The following USP14 variants were observed in gnomAD, a reference collection of about 807,000 sequenced individuals.
The protein encoded by USP14 is ubiquitin specific peptidase 14.
Under a neutral mutation model 76.5 loss-of-function variants are expected in USP14, and 38 were observed. That is an observed-to-expected ratio of 0.50 (90% CI 0.38 to 0.65). The LOEUF is 0.65. Ranked by LOEUF, USP14 falls within the 30% of genes least tolerant of loss-of-function variation. The probability of loss-of-function intolerance (pLI) is 0.00; values close to 1 mark genes in which losing one functional copy is unlikely to be tolerated. For missense variants in USP14, 467 were observed against 586.5 expected (o/e 0.80, Z 2.10); for synonymous variants, 192 against 191.7 (o/e 1.00, Z -0.01).
At chr18:185,477 T>C (rs1041422238) in intron 5 of USP14, among the ~76,000 whole-genome samples, 1 of 151,966 alleles carries the variant, frequency 6.6e-6, no homozygotes, top group African/African-American at 2.4e-5. Context: ...CTGTTAACAC[T>C]AGCGTCTCAT....
rs1910666923 is a variant in USP14 at position 211,425 on chromosome 18, A to T, written c.*141A>T. On this transcript the variant is annotated 3_prime_UTR_variant, in exon 16 of 16. Transcript: ENST00000261601. Reference sequence around the variant, plus strand: ...GAACAAAAGAGGACAGAAGCAGACCACTCTGTGCACCAACCTAAAAAATTA... The same window carrying T: ...GAACAAAAGAGGACAGAAGCAGACCTCTCTGTGCACCAACCTAAAAAATTA... 1.3e-6 allele frequency: 1 copy of T among 794,940 alleles called. No individual in the cohort carries two copies. Among genetic ancestry groups the T allele is most frequent in the Non-Finnish European group, 1.9e-6 (1 of 534,162 alleles). The allele number at this position is 794,940 out of a possible 1,614,324, so 49.2% of individuals were successfully genotyped here. A position where few individuals can be genotyped will look rare whatever the true frequency, so the allele number is the denominator to read the frequency against.
chr18:181,004 G>A lies in USP14; in HGVS notation c.404+665G>A, dbSNP rs1024914622. On this transcript the variant is annotated intron_variant, in intron 5 of 15. Transcript: ENST00000261601. Reference sequence around the variant, plus strand: ...ATGGTTCATTCATGTTACAGCACACGTAACACCTCATTCCTATTTTATGGC... The same window carrying A: ...ATGGTTCATTCATGTTACAGCACACATAACACCTCATTCCTATTTTATGGC... Among the ~76,000 whole-genome samples, 8 of 150,222 alleles carry A rather than the reference G, an allele frequency of 5.3e-5. No homozygotes were observed. In the East Asian group the frequency reaches 5.9e-4, roughly 11 times the overall value.
chr18:162,802 C>CT (rs562971458), intron 1 of USP14, among the ~76,000 whole-genome samples: 22,027 of 144,864 alleles, frequency 0.15, 1,830 homozygotes, highest in Middle Eastern at 0.22. Context: ...GTCTCAGTTT[C>CT]TTTTTTTTTT....
intron 2 of USP14, among the ~76,000 whole-genome samples, chr18:164,399 G>C (rs1203726028): frequency 6.6e-6 from 1 of 151,200 alleles, no homozygotes; most frequent in Non-Finnish European, 1.5e-5. Context: ...CTGGAAAACT[G>C]TTCATTTTTT....
chr18:164,360 A>G (rs982329046), intron 2 of USP14, among the ~76,000 whole-genome samples: 1 of 152,040 alleles, frequency 6.6e-6, no homozygotes, highest in Non-Finnish European at 1.5e-5. Flanking sequence ...AATTCAAAGC[A>G]CTTCAGCATT....
At chr18:203,933 C>T (rs1197557859) in intron 12 of USP14, among the ~76,000 whole-genome samples, 2 of 151,984 alleles carry the variant, frequency 1.3e-5, no homozygotes, top group Non-Finnish European at 2.9e-5. Context: ...AATTGTAATC[C>T]CTTGATTTAG....
At chr18:176,623 ATTG>A (rs1909635066) in intron 3 of USP14, among the ~76,000 whole-genome samples, 1 of 151,730 alleles carries the variant, frequency 6.6e-6, no homozygotes, top group Admixed American at 6.6e-5. Context: ...CCCCTAGTTT[ATTG>A]TTTTCAAATG....
In USP14 at chr18:214,000, T is replaced by TAGATAGATAGATAGATA. The variant is rs59833745; in HGVS notation, c.*2716_*2717insAGATAGATAGATAGATA. On this transcript the variant is annotated 3_prime_UTR_variant, in exon 16 of 16. Coordinates refer to ENST00000261601, the MANE Select transcript of USP14 (RefSeq NM_005151.4). ...TTAGATAGATAGATAGATAGATAGA[T>TAGATAGATAGATAGATA]GATGATTGATTGATGATTGATAGTA... 4 of 149,466 alleles carry TAGATAGATAGATAGATA rather than the reference T, an allele frequency of 2.7e-5. No individual in the cohort carries two copies. The East Asian group carries it at 5.8e-4, about 22-fold the overall frequency. 9.3% of individuals were successfully genotyped at this position (149,466 alleles called of 1,614,324 possible). A position where few individuals can be genotyped will look rare whatever the true frequency, so the allele number is the denominator to read the frequency against.
intron 1 of USP14, among the ~76,000 whole-genome samples, chr18:160,321 A>G (rs1040117834): frequency 1.3e-5 from 2 of 152,192 alleles, no homozygotes; most frequent in African/African-American, 2.4e-5. Context: ...AGAAAAAAAG[A>G]AAATTACATA....
chr18:202,974 A>C (rs1251404537), intron 11 of USP14, 29 bp downstream of exon 11: 1 of 1,611,706 alleles, frequency 6.2e-7, no homozygotes, highest in Admixed American at 1.7e-5. Flanking sequence ...TCGAAGCCAA[A>C]TTCCGCTTCA....
intron 3 of USP14, among the ~76,000 whole-genome samples, chr18:178,709 T>A (rs1909698116): frequency 6.6e-6 from 1 of 152,184 alleles, no homozygotes; most frequent in African/African-American, 2.4e-5. Context: ...ACAGTCTAAT[T>A]TTAGAGCATT....
chr18:169,153 G>A (rs1427046434), intron 3 of USP14, among the ~76,000 whole-genome samples: 1 of 151,562 alleles, frequency 6.6e-6, no homozygotes, highest in Admixed American at 6.6e-5. Context: ...CACTTTGGGA[G>A]GCCAAGGATG....
intron 12 of USP14, 143 bp downstream of exon 12, chr18:203,333 T>C: frequency 1.3e-6 from 1 of 757,414 alleles, no homozygotes; most frequent in Non-Finnish European, 2.1e-6. Context: ...AAGTGATTCT[T>C]AACTCAGAAC....
chr18:213,740 G>A lies in USP14; in HGVS notation c.*2456G>A, dbSNP rs919910567. The A allele has an allele frequency of 1.3e-5, 2 of 152,362 alleles. No individual in the cohort carries two copies. Among genetic ancestry groups the A allele is most frequent in the African/African-American group, 4.8e-5 (2 of 41,450 alleles). The allele number at this position is 152,362 out of a possible 1,614,324, so 9.4% of individuals were successfully genotyped here. A position where few individuals can be genotyped will look rare whatever the true frequency, so the allele number is the denominator to read the frequency against. ...TAGAGCCCTAAAGGGAAATGCTTATGTGGGAACAAGAAAAGTCGGTGGTAC... is the reference window on the plus strand; with the variant it reads ...TAGAGCCCTAAAGGGAAATGCTTATATGGGAACAAGAAAAGTCGGTGGTAC... On this transcript the variant is annotated 3_prime_UTR_variant, in exon 16 of 16. Coordinates refer to ENST00000261601, the MANE Select transcript of USP14 (RefSeq NM_005151.4).
chr18:177,399 G>T (rs1306074935), intron 3 of USP14, among the ~76,000 whole-genome samples: 1 of 149,038 alleles, frequency 6.7e-6, no homozygotes, highest in Non-Finnish European at 1.5e-5. Flanking sequence ...TCCTGCCTGG[G>T]TGACAGAGTG....
At chr18:193,588 T>A (rs1910150627) in intron 6 of USP14, among the ~76,000 whole-genome samples, 1 of 152,218 alleles carries the variant, frequency 6.6e-6, no homozygotes, top group Admixed American at 6.5e-5. Flanking sequence ...CATCTAGCAG[T>A]CACCTCCTTT....
In USP14 at chr18:211,248, CA is replaced by C; in HGVS notation, c.1450del (p.Arg484GlufsTer4). 6.2e-7 allele frequency: 1 copy of C among 1,612,370 alleles called. No homozygotes were observed. The highest frequency in any genetic ancestry group is 8.5e-7 in the Non-Finnish European group (1 of 1,179,070). The stretch of plus-strand genomic sequence containing the variant: ...CTTACGTTCTACTCTATGGGCCTCG[CA>C]GAGTTGAAATAATGGAAGAGGAAAG... ...IAYVLLYGPR[R>X]VEIMEEESEQ On this transcript the variant is annotated frameshift_variant, in exon 16 of 16. Coordinates refer to ENST00000261601, the MANE Select transcript of USP14 (RefSeq NM_005151.4). LOFTEE classifies it high-confidence loss of function.
In USP14 at chr18:196,490, C is replaced by T. The variant is rs2509312; in HGVS notation, c.464-147C>T. On this transcript the variant is annotated intron_variant, in intron 6 of 15. Transcript: ENST00000261601. The stretch of plus-strand genomic sequence containing the variant: ...GGTGAGCCGAGATCGCGCCACTGCA[C>T]TCCAGCCTGGGCAACGGACCAAGAC... 6.1e-6 allele frequency: 5 copies of T among 816,810 alleles called. No homozygotes were observed. The East Asian group carries it at 9.9e-5, about 16-fold the overall frequency. 50.6% of individuals were successfully genotyped at this position (816,810 alleles called of 1,614,324 possible). A position where few individuals can be genotyped will look rare whatever the true frequency, so the allele number is the denominator to read the frequency against.
intron 3 of USP14, among the ~76,000 whole-genome samples, chr18:168,006 C>T (rs921836485): frequency 2.3e-4 from 33 of 142,526 alleles, no homozygotes; most frequent in African/African-American, 8.4e-4. Flanking sequence ...GGCGCGATCT[C>T]GGCTCGCTGC....
Sources: gnomAD v4.1 joint callset for allele counts (sites outside exome capture counted in the v4.1 genomes callset) on GRCh38, gnomAD v4.1.1 for gene constraint, MANE v1.5 for transcripts, NCBI Gene and HGNC (gene_info 2026-07-23, HGNC 2026-07-21) for gene names.